The following PTPRM variants were observed in gnomAD, a reference collection of about 807,000 sequenced individuals.
The protein encoded by PTPRM is receptor-type tyrosine-protein phosphatase mu.
Under a neutral mutation model 186.7 loss-of-function variants are expected in PTPRM, and 47 were observed. The ratio of observed to expected loss-of-function variants is 0.25; its 90% CI spans 0.20 to 0.32. The LOEUF (loss-of-function observed/expected upper bound fraction) is 0.32. PTPRM is among the 10% of genes least tolerant of loss of function. The pLI is 1.00. For missense variants in PTPRM, 1,494 were observed against 1,865.0 expected (o/e 0.80, Z 3.66); for synonymous variants, 668 against 674.9 (o/e 0.99, Z 0.16).
chr18:7,869,235 A>G (rs1314277446), intron 2 of PTPRM, among the ~76,000 whole-genome samples: 1 of 152,060 alleles, frequency 6.6e-6, no homozygotes, highest in Non-Finnish European at 1.5e-5. Flanking sequence ...TCCAGGTGCC[A>G]CTGGGGTATG....
At chr18:8,036,154 AC>A (rs2086314867) in intron 7 of PTPRM, among the ~76,000 whole-genome samples, 1 of 152,210 alleles carries the variant, frequency 6.6e-6, no homozygotes, top group Non-Finnish European at 1.5e-5. Flanking sequence ...ATAGCTCCTC[AC>A]ATGGCGTCGG....
chr18:7,858,360 C>T (rs2047189003), intron 2 of PTPRM, among the ~76,000 whole-genome samples: 1 of 151,976 alleles, frequency 6.6e-6, no homozygotes, highest in Non-Finnish European at 1.5e-5. Flanking sequence ...AGTTCAAGAC[C>T]AGCCTGGGCA....
At chr18:7,692,679 A>G (rs1369937130) in intron 1 of PTPRM, among the ~76,000 whole-genome samples, 1 of 152,212 alleles carries the variant, frequency 6.6e-6, no homozygotes, top group Non-Finnish European at 1.5e-5. Flanking sequence ...CTGCTACTAT[A>G]GTCACAAAGT....
chr18:8,277,644 TCTAA>T (rs1258112208), intron 19 of PTPRM, among the ~76,000 whole-genome samples: 3 of 152,228 alleles, frequency 2.0e-5, no homozygotes, highest in Admixed American at 1.3e-4. Context: ...ACTTCTATAA[TCTAA>T]CTGATTAGAA....
At chr18:7,758,263 A>AAAC (rs2041603795) in intron 1 of PTPRM, among the ~76,000 whole-genome samples, 1 of 152,210 alleles carries the variant, frequency 6.6e-6, no homozygotes, top group African/African-American at 2.4e-5. Context: ...ACTCAAAGGG[A>AAAC]TCCATAAGCT....
intron 31 of PTPRM, among the ~76,000 whole-genome samples, chr18:8,392,786 G>A (rs188885721): frequency 3.9e-5 from 6 of 152,272 alleles, no homozygotes; most frequent in Admixed American, 2.0e-4. Flanking sequence ...CCAGCCTGAC[G>A]GAGCTCCCAC....
chr18:8,240,218 T>C (rs1488990503), intron 14 of PTPRM, among the ~76,000 whole-genome samples: 1 of 152,146 alleles, frequency 6.6e-6, no homozygotes, highest in Non-Finnish European at 1.5e-5. Flanking sequence ...TTCAGCCATC[T>C]GTAGTTATGG....
chr18:8,032,232 T>G (rs891852899), intron 7 of PTPRM, among the ~76,000 whole-genome samples: 1 of 152,168 alleles, frequency 6.6e-6, no homozygotes, highest in Non-Finnish European at 1.5e-5. Context: ...TATGCAAACT[T>G]GGGCAAGTCT....
chr18:7,660,014 C>T (rs2038942117), intron 1 of PTPRM, among the ~76,000 whole-genome samples: 1 of 152,152 alleles, frequency 6.6e-6, no homozygotes, highest in African/African-American at 2.4e-5. Context: ...GGACGTGCTA[C>T]ACTTGCTTAC....
chr18:8,381,330 T>C (rs2095733912), intron 29 of PTPRM, among the ~76,000 whole-genome samples: 1 of 149,898 alleles, frequency 6.7e-6, no homozygotes, highest in South Asian at 2.2e-4. Context: ...TGAATTAATT[T>C]CCTGTCCAGT....
intron 1 of PTPRM, among the ~76,000 whole-genome samples, chr18:7,701,654 C>T (rs1347683523): frequency 6.6e-6 from 1 of 151,910 alleles, no homozygotes; most frequent in Non-Finnish European, 1.5e-5. Context: ...CTATTATGAG[C>T]TTTCAAAGAT....
chr18:7,711,319 C>T (rs1309182311), intron 1 of PTPRM, among the ~76,000 whole-genome samples: 1 of 152,180 alleles, frequency 6.6e-6, no homozygotes, highest in Non-Finnish European at 1.5e-5. Flanking sequence ...ACGCTTTTCT[C>T]ATCGTCTTCA....
At position 7,929,814 on chromosome 18, in the gene PTPRM, T is replaced by C. The variant is rs370263468; in HGVS notation, c.663+3131T>C. Among the ~76,000 whole-genome samples the C allele has an allele frequency of 2.5e-4, 38 of 152,246 alleles. 1 individual carries two copies. The highest frequency in any genetic ancestry group is 8.9e-4 in the African/African-American group (37 of 41,540). ...TTGAACATTTTCTCAGTCCATTCTT[T>C]AGAGGTCGTGAAGACATGTAAACCT... On this transcript the variant is annotated intron_variant, in intron 5 of 32. Transcript: ENST00000580170.
chr18:8,382,867 C>A (rs1423766542), intron 29 of PTPRM, among the ~76,000 whole-genome samples: 1 of 152,186 alleles, frequency 6.6e-6, no homozygotes, highest in Non-Finnish European at 1.5e-5. Flanking sequence ...ATCCTCCTTT[C>A]CTGACACATC....
At chr18:8,112,150 T>C (rs1022610870) in intron 11 of PTPRM, among the ~76,000 whole-genome samples, 2 of 152,228 alleles carry the variant, frequency 1.3e-5, no homozygotes, top group Admixed American at 6.5e-5. Flanking sequence ...ACTGGTAATA[T>C]TCACTTTATC....
intron 2 of PTPRM, among the ~76,000 whole-genome samples, chr18:7,816,645 C>G (rs1313148215): frequency 6.6e-6 from 1 of 152,106 alleles, no homozygotes; most frequent in East Asian, 1.9e-4. Context: ...TCATTTCATT[C>G]TACATCCTCC....
chr18:7,615,624 C>T (rs1363161156), intron 1 of PTPRM, among the ~76,000 whole-genome samples: 1 of 152,100 alleles, frequency 6.6e-6, no homozygotes, highest in African/African-American at 2.4e-5. Context: ...CCTCCCCTCC[C>T]TTCCTGTAAG....
intron 13 of PTPRM, chr18:8,121,868 A>C (rs1203449659): frequency 6.6e-6 from 1 of 152,240 alleles, no homozygotes; most frequent in African/African-American, 2.4e-5. Context: ...ATTAACAATG[A>C]ATCTTTCAGC....
At chr18:8,009,738 T>C (rs898384224) in intron 7 of PTPRM, among the ~76,000 whole-genome samples, 2 of 152,136 alleles carry the variant, frequency 1.3e-5, no homozygotes, top group South Asian at 2.1e-4. Context: ...AATAAAAAAA[T>C]CACTTTTTGC....
Sources: gnomAD v4.1 joint callset for allele counts (sites outside exome capture counted in the v4.1 genomes callset) on GRCh38, gnomAD v4.1.1 for gene constraint, MANE v1.5 for transcripts, NCBI Gene and HGNC (gene_info 2026-07-23, HGNC 2026-07-21) for gene names.